PIK3C2B: variants seen among roughly 807,000 people sequenced by gnomAD.
PIK3C2B encodes the protein phosphatidylinositol-4-phosphate 3-kinase catalytic subunit type 2 beta.
PIK3C2B carries 83 observed loss-of-function variants against 184.3 expected under a neutral mutation model. The observed-to-expected ratio is 0.45, with a 90% CI of 0.38 to 0.54. PIK3C2B has a LOEUF of 0.54. Among genes scored for constraint, PIK3C2B ranks in the 20% least tolerant of loss-of-function variants. PIK3C2B has a pLI of 0.00. For missense variants in PIK3C2B, 1,736 were observed against 2,113.5 expected, an observed-to-expected ratio of 0.82 and a Z score of 3.50; for synonymous variants, 779 against 837.6, an observed-to-expected ratio of 0.93 and a Z score of 1.21.
intron 2 of PIK3C2B, among the ~76,000 whole-genome samples, chr1:204,468,052 T>C (rs1056649623): frequency 2.0e-5 from 3 of 152,164 alleles, no homozygotes; most frequent in Non-Finnish European, 4.4e-5. Flanking sequence ...TTTTACACTA[T>C]GTACTGATAA....
chr1:204,428,418 A>G (rs1674866466), intron 29 of PIK3C2B, among the ~76,000 whole-genome samples, 198 bp from the exon 30 acceptor site: 1 of 152,264 alleles, frequency 6.6e-6, no homozygotes, highest in Non-Finnish European at 1.5e-5. Flanking sequence ...AATATGGACT[A>G]TGGACTGGAT....
At chr1:204,479,998 G>A (rs952797732) in intron 1 of PIK3C2B, among the ~76,000 whole-genome samples, 4 of 152,244 alleles carry the variant, frequency 2.6e-5, no homozygotes, top group Non-Finnish European at 2.9e-5. Context: ...AGCTGCCTCC[G>A]CAGGTCTTCT....
intron 1 of PIK3C2B, among the ~76,000 whole-genome samples, chr1:204,487,084 C>A (rs1024554482): frequency 3.9e-5 from 6 of 152,088 alleles, no homozygotes; most frequent in Non-Finnish European, 8.8e-5. Flanking sequence ...CTGGTACAGG[C>A]GTGAGCCACT....
intron 11 of PIK3C2B, among the ~76,000 whole-genome samples, chr1:204,455,184 C>T (rs1458847106): frequency 6.6e-6 from 1 of 152,238 alleles, no homozygotes; most frequent in East Asian, 1.9e-4. Context: ...TGAATGCCAA[C>T]ACACGGGGGT....
At chr1:204,464,204 G>A in intron 4 of PIK3C2B, 72 bp from the exon 5 acceptor site, 1 of 1,544,052 alleles carries the variant, frequency 6.5e-7, no homozygotes, top group Non-Finnish European at 8.9e-7. Flanking sequence ...TCCCCACCCT[G>A]ATCCCCCTTT....
chr1:204,434,034 C>G, intron 24 of PIK3C2B, 85 bp from the exon 25 acceptor site: 1 of 1,065,640 alleles, frequency 9.4e-7, no homozygotes, highest in Non-Finnish European at 1.4e-6. Flanking sequence ...CAGTTTCCCT[C>G]ATCCCTCATC....
chr1:204,469,610 C>T lies in PIK3C2B; in HGVS notation c.193G>A (p.Val65Ile). 6.2e-7 allele frequency: 1 copy of T among 1,608,114 alleles called. No homozygotes were observed. Among genetic ancestry groups the T allele is most frequent in the Non-Finnish European group, 8.5e-7 (1 of 1,176,706 alleles). Reference protein sequence around the residue: ...PSLISWDEPGVDFYSKPAGRR... With the variant: ...PSLISWDEPGIDFYSKPAGRR... ...CCTGCTGGCTTGCTGTAAAAGTCTA[C>T]CCCAGGCTCATCCCAGCTGATGAGA... The change falls in exon 2 of 33, where the codon GTA becomes ATA. Residue 65 changes from valine to isoleucine, a missense_variant. By Grantham distance (29) the Val-to-Ile change is conservative. Transcript: ENST00000684373.
In PIK3C2B at chr1:204,432,269, C is replaced by T. The variant is rs146463340; in HGVS notation, c.4086G>A (p.Lys1362=). The T allele has an allele frequency of 1.2e-4, 186 of 1,614,110 alleles. No homozygotes were observed. In the African/African-American group the frequency reaches 2.3e-3, roughly 20 times the overall value. ...LSFASRTHTL[K]SSGRISDVFL... ...AAACATCACTGATTCGGCCAGAGCT[C>T]TTGAGAGTGTGTGTTCGGGAGGCAA... Residue 1362 remains lysine (K), a synonymous_variant, in exon 27 of 33, where the codon AAG becomes AAA. Transcript: ENST00000684373.
In PIK3C2B at chr1:204,454,755, A is replaced by T. The variant is rs1324696942; in HGVS notation, c.1980T>A (p.His660Gln). The change falls in exon 12 of 33, where the codon CAT (histidine) becomes CAA (glutamine). Residue 660 changes from histidine (H) to glutamine (Q), a missense_variant. Physicochemically the swap from His to Gln is conservative, Grantham distance 24. This residue lies in a region of PIK3C2B where 609 missense variants were observed against 699.2 expected (regional missense o/e 0.87). Transcript: ENST00000684373. ...GGGGGCTGCACAGCTCCTTGCCGCCATGGCTGAGGGAGCAGGAGAGGTAGA... is the reference window on the plus strand; with the variant it reads ...GGGGGCTGCACAGCTCCTTGCCGCCTTGGCTGAGGGAGCAGGAGAGGTAGA... Reference protein sequence around the residue: ...EDFYLSCSLSHGGKELCSPLQ... With the variant: ...EDFYLSCSLSQGGKELCSPLQ... 1 of 1,613,464 alleles carries T rather than the reference A, an allele frequency of 6.2e-7. No individual in the cohort carries two copies. The highest frequency in any genetic ancestry group is 1.3e-5 in the African/African-American group (1 of 74,934).
intron 23 of PIK3C2B, among the ~76,000 whole-genome samples, 158 bp from the exon 24 acceptor site, chr1:204,434,766 C>T (rs1675252717): frequency 6.6e-6 from 1 of 152,234 alleles, no homozygotes; most frequent in South Asian, 2.1e-4. Flanking sequence ...TCATCATGTA[C>T]TAACTTACAC....
chr1:204,457,835 C>G lies in PIK3C2B; in HGVS notation c.1606G>C (p.Val536Leu). The change falls in exon 9 of 33, where the codon GTC becomes CTC. Residue 536 changes from valine (V) to leucine (L), a missense_variant. Coordinates refer to ENST00000684373, the MANE Select transcript of PIK3C2B (RefSeq NM_001377334.1). ...GCCAGGGCGTTGCAGATGGCCTTGACGGACTGGACCACCCTGTCAGCCTTC... is the reference window on the plus strand; with the variant it reads ...GCCAGGGCGTTGCAGATGGCCTTGAGGGACTGGACCACCCTGTCAGCCTTC... The part of the protein sequence containing the change: ...PLKADRVVQS[V>L]KAICNALAAV... 1 of 1,613,206 alleles carries G rather than the reference C, an allele frequency of 6.2e-7. No homozygotes were observed. Among genetic ancestry groups the G allele is most frequent in the South Asian group, 1.1e-5 (1 of 90,894 alleles).
Position 204,457,712 on chromosome 1 carries a change from C to A in PIK3C2B, c.1713+16G>T, listed in dbSNP as rs1279511547. 1 of 1,596,398 alleles carries A rather than the reference C, an allele frequency of 6.3e-7. No individual in the cohort carries two copies. Among genetic ancestry groups the A allele is most frequent in the Non-Finnish European group, 8.5e-7 (1 of 1,172,362 alleles). ...CCTCTCTTCCTTTCCCCTGCTAGCA[C>A]CCTGGGCCCCTTTACCTTCTGAATT... On this transcript the variant is annotated intron_variant, in intron 9 of 32. Transcript: ENST00000684373.
rs376961889 is a variant in PIK3C2B at position 204,431,661 on chromosome 1, G to A, written c.4280+8C>T. The A allele has an allele frequency of 3.7e-5, 59 of 1,613,780 alleles. No homozygotes were observed. The highest frequency in any genetic ancestry group is 4.4e-5 in the Non-Finnish European group (52 of 1,180,034). ...TCCCTCTGTGCAGATAGTAAAGGGGGCAGCTACCTGGGCAAGTGGGAAGAA... is the reference window on the plus strand; with the variant it reads ...TCCCTCTGTGCAGATAGTAAAGGGGACAGCTACCTGGGCAAGTGGGAAGAA... On this transcript the variant is annotated splice_region_variant and intron_variant, in intron 28 of 32. Coordinates refer to ENST00000684373, the MANE Select transcript of PIK3C2B (RefSeq NM_001377334.1).
At chr1:204,427,567 C>T (rs1014064078) in intron 31 of PIK3C2B, 81 bp downstream of exon 31, 27 of 864,354 alleles carry the variant, frequency 3.1e-5, no homozygotes, top group Non-Finnish European at 4.5e-5. Context: ...CCATATGACA[C>T]GCGGCAGAGA....
At chr1:204,489,358 G>C (rs1657852098) in intron 1 of PIK3C2B, among the ~76,000 whole-genome samples, 1 of 151,792 alleles carries the variant, frequency 6.6e-6, no homozygotes, top group Non-Finnish European at 1.5e-5. Context: ...TTTTAGTAGA[G>C]ACAAGGTCTT....
At chr1:204,440,867 C>T (rs1675621498) in intron 21 of PIK3C2B, among the ~76,000 whole-genome samples, 1 of 151,686 alleles carries the variant, frequency 6.6e-6, no homozygotes, top group Non-Finnish European at 1.5e-5. Flanking sequence ...CATGCCTCAG[C>T]CTCCCAAAGT....
At chr1:204,490,284 C>A in intron 1 of PIK3C2B, 1 of 209,128 alleles carries the variant, frequency 4.8e-6, no homozygotes, top group Non-Finnish European at 9.4e-6. Context: ...GAACCTCTCT[C>A]TTCTTCCTTC....
chr1:204,432,507 C>A, intron 26 of PIK3C2B, 106 bp from the exon 27 acceptor site: 1 of 826,808 alleles, frequency 1.2e-6, no homozygotes. Flanking sequence ...TAACAATCAG[C>A]TCAGATCAAA....
rs1655270492 is a variant in PIK3C2B, at chr1:204,460,771, G to C, written c.1311-110C>G. 9.8e-6 allele frequency: 7 copies of C among 717,246 alleles called. No homozygotes were observed. In the Admixed American group the frequency reaches 1.4e-4, roughly 15 times the overall value. 44.4% of individuals were successfully genotyped at this position (717,246 alleles called of 1,614,324 possible). A position where few individuals can be genotyped will look rare whatever the true frequency, so the allele number is the denominator to read the frequency against. On this transcript the variant is annotated intron_variant, in intron 5 of 32. Transcript: ENST00000684373. ...TACAGAAAGAAGGTTTAGGTAAGGGGGTAGTACCCGTGTTGTACCCTACTT... is the reference window on the plus strand; with the variant it reads ...TACAGAAAGAAGGTTTAGGTAAGGGCGTAGTACCCGTGTTGTACCCTACTT...
Sources: allele counts gnomAD v4.1 joint callset (sites outside exome capture counted in the v4.1 genomes callset), GRCh38; gene constraint gnomAD v4.1.1; regional missense constraint gnomAD v4.1.1; transcripts MANE v1.5; gene names NCBI Gene and HGNC (gene_info 2026-07-23, HGNC 2026-07-21).